Variants in PROM2 observed in about 807,000 individuals in gnomAD.
The protein encoded by PROM2 is prominin 2.
A neutral mutation model predicts 110.2 loss-of-function variants in PROM2; 90 were observed. That is an observed-to-expected ratio of 0.82 (90% CI 0.69 to 0.97). PROM2 has a LOEUF of 0.97. PROM2 is among the 50% of genes least tolerant of loss of function. PROM2 has a pLI of 0.00. For missense variants in PROM2, 1,009 were observed against 1,074.8 expected (o/e 0.94, Z 0.86); for synonymous variants, 470 against 467.8 (o/e 1.00, Z -0.06).
At chr2:95,287,241 G>T in intron 19 of PROM2, 28 bp downstream of exon 19, 1 of 1,606,050 alleles carries the variant, frequency 6.2e-7, no homozygotes, top group Non-Finnish European at 8.5e-7. Context: ...CAGGGAAGGG[G>T]CTTCCACCCC....
chr2:95,286,248 C>A (rs1333183997), intron 16 of PROM2, among the ~76,000 whole-genome samples: 1 of 152,236 alleles, frequency 6.6e-6, no homozygotes, highest in Non-Finnish European at 1.5e-5. Flanking sequence ...GGTGCCCCTG[C>A]AGCTCAGGCA....
At position 95,275,922 on chromosome 2, in the gene PROM2, C is replaced by G. The variant is rs1450743755; in HGVS notation, c.295-8C>G. ...CGGGTCACCCCTCATGCCCTGCTGCCTGCCCAGGTGGTGCGGTACGAGGCG... is the reference window on the plus strand; with the variant it reads ...CGGGTCACCCCTCATGCCCTGCTGCGTGCCCAGGTGGTGCGGTACGAGGCG... On this transcript the variant is annotated splice_polypyrimidine_tract_variant and splice_region_variant and intron_variant, in intron 2 of 23. Transcript: ENST00000317620. The surrounding 1 kb of genome is among the most constrained non-coding windows in gnomAD (Gnocchi z 4.4). 4.4e-6 allele frequency: 7 copies of G among 1,606,438 alleles called. No individual in the cohort carries two copies. Among genetic ancestry groups the G allele is most frequent in the Non-Finnish European group, 5.9e-6 (7 of 1,177,718 alleles).
chr2:95,278,991 A>G lies in PROM2; in HGVS notation c.1121A>G (p.Lys374Arg), dbSNP rs757822527. 3 of 1,604,678 alleles carry G rather than the reference A, an allele frequency of 1.9e-6. No individual in the cohort carries two copies. The highest frequency in any genetic ancestry group is 2.6e-6 in the Non-Finnish European group (3 of 1,175,076). Residue 374 changes from lysine (K) to arginine (R), a missense_variant, in exon 10 of 24, where the codon AAG (lysine) becomes AGG (arginine). Transcript: ENST00000317620. ...MQTSSVVQEL[K>R]KAVAQQPEGV... ...TCCCTGTTACTTTGGGCAGAGCTGAAGAAGGCAGTGGCCCAGCAGCCGGAA... is the reference window on the plus strand; with the variant it reads ...TCCCTGTTACTTTGGGCAGAGCTGAGGAAGGCAGTGGCCCAGCAGCCGGAA...
chr2:95,276,641 C>G lies in PROM2; in HGVS notation c.666C>G (p.Val222=), dbSNP rs1366188180. 31 of 1,613,056 alleles carry G rather than the reference C, an allele frequency of 1.9e-5. No homozygotes were observed. Among genetic ancestry groups the G allele is most frequent in the Non-Finnish European group, 2.5e-5 (29 of 1,180,012 alleles). The change falls in exon 5 of 24, where the codon GTC becomes GTG. Residue 222 remains valine, a synonymous_variant. Transcript: ENST00000317620. The surrounding 1 kb of genome is among the most constrained non-coding windows in gnomAD (Gnocchi z 4.6). ...AQQFSLPQEQ[V]SEELDGVGVS... ...AATTCTCCCTGCCCCAGGAGCAAGTCTCAGAGGAGCTGGATGGTGAGGGTC... is the reference window on the plus strand; with the variant it reads ...AATTCTCCCTGCCCCAGGAGCAAGTGTCAGAGGAGCTGGATGGTGAGGGTC...
chr2:95,285,783 G>C (rs886281184), intron 16 of PROM2, 73 bp downstream of exon 16: 22 of 1,429,600 alleles, frequency 1.5e-5, no homozygotes, highest in Admixed American at 2.0e-5. Context: ...AGGGTGGGAG[G>C]ATGTGAGGGC....
Position 95,286,889 on chromosome 2 carries a change from G to A in PROM2, c.2094+32G>A, listed in dbSNP as rs1374494631. The A allele has an allele frequency of 1.3e-5, 21 of 1,609,418 alleles. No homozygotes were observed. The East Asian group carries it at 4.2e-4, about 32-fold the overall frequency. ...GCTGTTGGTGGGGACGTATGGTGGA[G>A]CACAGGGGCTGCAGAGGCGGGGAGG... On this transcript the variant is annotated intron_variant, in intron 18 of 23. Coordinates refer to ENST00000317620, the MANE Select transcript of PROM2 (RefSeq NM_001165978.3).
chr2:95,278,726 C>G lies in PROM2; in HGVS notation c.1056C>G (p.Asn352Lys), dbSNP rs771329374. 6.2e-7 allele frequency: 1 copy of G among 1,614,070 alleles called. No homozygotes were observed. The highest frequency in any genetic ancestry group is 1.3e-5 in the African/African-American group (1 of 75,038). Reference protein sequence around the residue: ...ANFSSMVQEENSTFNALPALA... With the variant: ...ANFSSMVQEEKSTFNALPALA... The stretch of plus-strand genomic sequence containing the variant: ...GCACTACTTGGTTCCTGCAGGAGAA[C>G]AGCACCTTCAACGCCCTTCCAGCCC... The change falls in exon 9 of 24, where the codon AAC becomes AAG. Residue 352 changes from asparagine to lysine, a missense_variant. Transcript: ENST00000317620.
Position 95,290,069 on chromosome 2 carries a change from T to C in PROM2, c.*856T>C, listed in dbSNP as rs914363610. Reference sequence around the variant, plus strand: ...AAGGGACCTGGGACCTGGGCCACAGTGGGGGCTTGCCCTTACCTCTTCAGA... The same window carrying C: ...AAGGGACCTGGGACCTGGGCCACAGCGGGGGCTTGCCCTTACCTCTTCAGA... On this transcript the variant is annotated 3_prime_UTR_variant, in exon 24 of 24. Coordinates refer to ENST00000317620, the MANE Select transcript of PROM2 (RefSeq NM_001165978.3). 1 of 152,272 alleles carries C rather than the reference T, an allele frequency of 6.6e-6. No individual in the cohort carries two copies. Among genetic ancestry groups the C allele is most frequent in the African/African-American group, 2.4e-5 (1 of 41,458 alleles). The allele number at this position is 152,272 out of a possible 1,614,324, so 9.4% of individuals were successfully genotyped here.
intron 17 of PROM2, 44 bp downstream of exon 17, chr2:95,286,615 G>A: frequency 6.5e-7 from 1 of 1,547,608 alleles, no homozygotes; most frequent in Non-Finnish European, 8.9e-7. Flanking sequence ...GGGGAGGGGA[G>A]ACGTGGAGAG....
chr2:95,284,407 C>T (rs1677220630), intron 14 of PROM2, among the ~76,000 whole-genome samples: 1 of 152,004 alleles, frequency 6.6e-6, no homozygotes, highest in Non-Finnish European at 1.5e-5. Context: ...GGTAGAATCA[C>T]TGGAGCCCGG....
At chr2:95,282,588 G>A (rs994517836) in intron 14 of PROM2, among the ~76,000 whole-genome samples, 20 of 152,212 alleles carry the variant, frequency 1.3e-4, no homozygotes, top group Admixed American at 2.0e-4. Context: ...GCAGTGACAA[G>A]GATGGTGGTG....
At chr2:95,285,773 A>G (rs1677321747) in intron 16 of PROM2, 63 bp downstream of exon 16, 33 of 1,486,460 alleles carry the variant, frequency 2.2e-5, no homozygotes, top group Non-Finnish European at 2.9e-5. Context: ...GAGGCGGGAA[A>G]GGGTGGGAGG....
intron 15 of PROM2, 66 bp from the exon 16 acceptor site, chr2:95,285,573 A>T (rs1677305526): frequency 3.0e-6 from 4 of 1,351,306 alleles, no homozygotes. Context: ...GGAGGCTGGG[A>T]TCAGGTGGTG....
rs775243019 is a variant in PROM2, at chr2:95,288,969, C to G, written c.2478C>G (p.Ile826Met). ...TSSEETQLFH[I>M]PRVTSLKL ...CTGAGGAGACTCAGCTCTTCCACAT[C>G]CCCCGGGTTACCTCCCTGAAGCTGT... Residue 826 changes from isoleucine to methionine, a missense_variant, in exon 23 of 24, where the codon ATC becomes ATG. Coordinates refer to ENST00000317620, the MANE Select transcript of PROM2 (RefSeq NM_001165978.3). 6.2e-7 allele frequency: 1 copy of G among 1,613,942 alleles called. No homozygotes were observed. Among genetic ancestry groups the G allele is most frequent in the African/African-American group, 1.3e-5 (1 of 74,914 alleles).
chr2:95,288,958 C>G lies in PROM2; in HGVS notation c.2467C>G (p.Leu823Val), dbSNP rs770408944. The part of the protein sequence containing the change: ...LSSTSSEETQ[L>V]FHIPRVTSLK... ...CTCCACCAGCTCTGAGGAGACTCAG[C>G]TCTTCCACATCCCCCGGGTTACCTC... The change falls in exon 23 of 24, where the codon CTC becomes GTC. Residue 823 changes from leucine to valine, a missense_variant. Transcript: ENST00000317620. The G allele has an allele frequency of 1.9e-6, 3 of 1,614,130 alleles. No individual in the cohort carries two copies. The highest frequency in any genetic ancestry group is 2.2e-5 in the East Asian group (1 of 44,880).
chr2:95,278,249 C>T lies in PROM2; in HGVS notation c.1050+245C>T, dbSNP rs1676795141. 1.2e-5 allele frequency: 7 copies of T among 581,230 alleles called. No homozygotes were observed. The South Asian group carries it at 1.5e-4, about 12-fold the overall frequency. 36.0% of individuals were successfully genotyped at this position (581,230 alleles called of 1,614,324 possible). A position where few individuals can be genotyped will look rare whatever the true frequency, so the allele number is the denominator to read the frequency against. On this transcript the variant is annotated intron_variant, in intron 8 of 23. Coordinates refer to ENST00000317620, the MANE Select transcript of PROM2 (RefSeq NM_001165978.3). ...GCAAGGGAGCAGTGCTCAGTCTGAG[C>T]CCAGAGGGCAGGCGGCTCCCCTGGG... is the stretch of plus-strand genomic sequence containing the variant.
At chr2:95,287,045 C>A in intron 18 of PROM2, 88 bp from the exon 19 acceptor site, 1 of 1,367,832 alleles carries the variant, frequency 7.3e-7, no homozygotes, top group South Asian at 1.2e-5. Flanking sequence ...GCTGAACCCT[C>A]TCCTGCTGAG....
chr2:95,277,581 C>G lies in PROM2; in HGVS notation c.975+15C>G, dbSNP rs1676752159. ...ACTTCAGCCAGGTGCAGACCCAGGA[C>G]AGAGTCCTCTTAAAGCCACGGAGGG... On this transcript the variant is annotated intron_variant, in intron 7 of 23. Coordinates refer to ENST00000317620, the MANE Select transcript of PROM2 (RefSeq NM_001165978.3). The G allele has an allele frequency of 6.5e-7, 1 of 1,533,618 alleles. No individual in the cohort carries two copies. Among genetic ancestry groups the G allele is most frequent in the Non-Finnish European group, 8.7e-7 (1 of 1,143,076 alleles).
chr2:95,276,809 C>A lies in PROM2; in HGVS notation c.682+152C>A. 1 of 1,104,808 alleles carries A rather than the reference C, an allele frequency of 9.1e-7. No homozygotes were observed. 68.4% of individuals were successfully genotyped at this position (1,104,808 alleles called of 1,614,324 possible). A position where few individuals can be genotyped will look rare whatever the true frequency, so the allele number is the denominator to read the frequency against. ...AGGCCGGCTGGAGAGCAAGAGTGGC[C>A]GCCACTCAGCTGCTGGAGGAAGAAG... On this transcript the variant is annotated intron_variant, in intron 5 of 23. Coordinates refer to ENST00000317620, the MANE Select transcript of PROM2 (RefSeq NM_001165978.3). The surrounding 1 kb of genome is among the most constrained non-coding windows in gnomAD (Gnocchi z 4.6).
Sources: allele counts gnomAD v4.1 joint callset (sites outside exome capture counted in the v4.1 genomes callset), GRCh38; gene constraint gnomAD v4.1.1; non-coding constraint Gnocchi (gnomAD v3.1); transcripts MANE v1.5; gene names NCBI Gene and HGNC (gene_info 2026-07-23, HGNC 2026-07-21).